Variants in PDGFRB observed in about 807,000 individuals in gnomAD.
PDGFRB encodes the protein platelet derived growth factor receptor beta.
A neutral mutation model predicts 120.2 loss-of-function variants in PDGFRB; 42 were observed. That is an observed-to-expected ratio of 0.35 (90% CI 0.27 to 0.45). The LOEUF (loss-of-function observed/expected upper bound fraction) is 0.45. Ranked by LOEUF, PDGFRB falls within the 20% of genes least tolerant of loss-of-function variation. The probability of loss-of-function intolerance (pLI) is 1.00; values close to 1 mark genes in which losing one functional copy is unlikely to be tolerated. For synonymous variants in PDGFRB, 586 were observed against 606.8 expected (o/e 0.97, Z 0.50); for missense variants, 1,149 against 1,476.3 (o/e 0.78, Z 3.63).
rs771094828 is a variant in PDGFRB at position 150,133,670 on chromosome 5, C to T, written c.850G>A (p.Glu284Lys). Residue 284 changes from glutamate to lysine, a missense_variant, in exon 6 of 23, where the codon GAA becomes AAA. Transcript: ENST00000261799. ...TTGCAGGTGTAGGTCCCCGAGTCTTCTAACTCGGCACTGGGGATGTGCAGG... is the reference window on the plus strand; with the variant it reads ...TTGCAGGTGTAGGTCCCCGAGTCTTTTAACTCGGCACTGGGGATGTGCAGG... ...SILHIPSAEL[E>K]DSGTYTCNVT... 1 of 1,613,414 alleles carries T rather than the reference C, an allele frequency of 6.2e-7. No individual in the cohort carries two copies. Among genetic ancestry groups the T allele is most frequent in the African/African-American group, 1.3e-5 (1 of 74,882 alleles).
chr5:150,128,557 G>T lies in PDGFRB; in HGVS notation c.1579+1200C>A, dbSNP rs541218783. Among the ~76,000 whole-genome samples the T allele has an allele frequency of 1.1e-4, 16 of 152,224 alleles. No homozygotes were observed. The South Asian group carries it at 3.3e-3, about 32-fold the overall frequency. ...CCAGCCCCTAAGTATCCACACACTCGATCCTCCAGCCAGATTGAGTTGAAC... is the reference window on the plus strand; with the variant it reads ...CCAGCCCCTAAGTATCCACACACTCTATCCTCCAGCCAGATTGAGTTGAAC... On this transcript the variant is annotated intron_variant, in intron 10 of 22. Transcript: ENST00000261799.
chr5:150,130,629 T>G lies in PDGFRB; in HGVS notation c.1277A>C (p.His426Pro), dbSNP rs774153485. ...GACTGTCTGTTCCCCACTGTCAGGG[T>G]GGCTCTCACTTAGCTCCAGCACTCG... ...PVRVLELSESHPDSGEQTVRC... is the reference protein window; with the variant it reads ...PVRVLELSESPPDSGEQTVRC... Residue 426 changes from histidine (H) to proline (P), a missense_variant, in exon 9 of 23, where the codon CAC becomes CCC. His to Pro is a moderately conservative substitution (Grantham distance 77, BLOSUM62 -2). This residue lies in a region of PDGFRB where 879 missense variants were observed against 1,108.6 expected (regional missense o/e 0.79). Transcript: ENST00000261799. 5.0e-6 allele frequency: 8 copies of G among 1,612,646 alleles called. No individual in the cohort carries two copies. Among genetic ancestry groups the G allele is most frequent in the South Asian group, 4.4e-5 (4 of 90,966 alleles).
intron 1 of PDGFRB, among the ~76,000 whole-genome samples, chr5:150,148,783 G>A (rs1760994924): frequency 6.6e-6 from 1 of 152,282 alleles, no homozygotes; most frequent in South Asian, 2.1e-4. Flanking sequence ...GATTACTCCA[G>A]TGGGGAGAGC....
Position 150,135,808 on chromosome 5 carries a change from G to T in PDGFRB, c.111C>A (p.Pro37=), listed in dbSNP as rs767838015. Reference sequence around the variant, plus strand: ...CATTGAGGACAAGCTCTGGCCCCGGGGGTGTGACGACCAGGCCCTGAGAGA... The same window carrying T: ...CATTGAGGACAAGCTCTGGCCCCGGTGGTGTGACGACCAGGCCCTGAGAGA... ...PQISQGLVVT[P]PGPELVLNVS... The change falls in exon 3 of 23, where the codon CCC becomes CCA. Residue 37 remains proline (P), a synonymous_variant. Transcript: ENST00000261799. 13 of 1,588,554 alleles carry T rather than the reference G, an allele frequency of 8.2e-6. No homozygotes were observed. The East Asian group carries it at 2.7e-4, about 33-fold the overall frequency.
chr5:150,146,004 A>G (rs1269879207), intron 1 of PDGFRB, among the ~76,000 whole-genome samples: 1 of 152,126 alleles, frequency 6.6e-6, no homozygotes, highest in African/African-American at 2.4e-5. Flanking sequence ...TTTGAGTGGG[A>G]AACAGTCACT....
intron 14 of PDGFRB, 113 bp downstream of exon 14, chr5:150,124,137 C>T (rs775424101): frequency 6.5e-5 from 44 of 674,624 alleles, no homozygotes; most frequent in Middle Eastern, 2.6e-4. Flanking sequence ...CGGGTGGGCA[C>T]GGACCCTCCA....
At chr5:150,127,644 G>A (rs1233670018) in intron 10 of PDGFRB, among the ~76,000 whole-genome samples, 6 of 151,954 alleles carry the variant, frequency 3.9e-5, no homozygotes, top group Admixed American at 3.3e-4. Context: ...GACCGGCCTG[G>A]CCAATATGGT....
chr5:150,117,834 T>A lies in PDGFRB; in HGVS notation c.2921A>T (p.Asp974Val), dbSNP rs1163477683. The A allele has an allele frequency of 1.2e-6, 2 of 1,608,788 alleles. No individual in the cohort carries two copies. The highest frequency in any genetic ancestry group is 1.7e-6 in the Non-Finnish European group (2 of 1,175,942). ...GTGGTCACTCCTCAGAAACTCCTCA[T>A]CCACCTGCTGGTACTTCTGCTCCCG... ...EGYKKKYQQV[D>V]EEFLRSDHPA... Residue 974 changes from aspartate (D) to valine (V), a missense_variant, in exon 22 of 23, where the codon GAT becomes GTT. Transcript: ENST00000261799.
At chr5:150,138,289 C>T (rs1760693375) in intron 1 of PDGFRB, among the ~76,000 whole-genome samples, 1 of 152,162 alleles carries the variant, frequency 6.6e-6, no homozygotes, top group Admixed American at 6.5e-5. Context: ...CCAGCTTGCC[C>T]CTACCTCCCC....
intron 10 of PDGFRB, 104 bp from the exon 11 acceptor site, chr5:150,126,718 T>G (rs1013256296): frequency 4.9e-5 from 35 of 716,052 alleles, no homozygotes; most frequent in Non-Finnish European, 4.1e-5. Context: ...CTGTCCAGAA[T>G]AGAAGCGCCC....
rs1031485726 is a variant in PDGFRB at position 150,129,978 on chromosome 5, G to A, written c.1368-10C>T. The A allele has an allele frequency of 8.7e-6, 14 of 1,610,646 alleles. No homozygotes were observed. The highest frequency in any genetic ancestry group is 1.2e-5 in the Non-Finnish European group (14 of 1,177,812). On this transcript the variant is annotated splice_polypyrimidine_tract_variant and intron_variant, in intron 9 of 22. Transcript: ENST00000261799. ...CAGCTCACGTGGACACCTGCCAGGAGAGCCGGTAGGGTTGGCTGCCAGCCC... is the reference window on the plus strand; with the variant it reads ...CAGCTCACGTGGACACCTGCCAGGAAAGCCGGTAGGGTTGGCTGCCAGCCC...
At chr5:150,137,350 C>A in intron 1 of PDGFRB, 1 of 348,632 alleles carries the variant, frequency 2.9e-6, no homozygotes, top group Non-Finnish European at 5.2e-6. Context: ...GTTTCCCTGT[C>A]TGTACAGTGA....
At chr5:150,143,847 C>T (rs1760845314) in intron 1 of PDGFRB, among the ~76,000 whole-genome samples, 3 of 152,230 alleles carry the variant, frequency 2.0e-5, no homozygotes, top group Non-Finnish European at 4.4e-5. Flanking sequence ...CTCAGTGCTC[C>T]ACCCCTGCAC....
In PDGFRB at chr5:150,115,233, G is replaced by T; in HGVS notation, c.*530C>A. 1 of 233,218 alleles carries T rather than the reference G, an allele frequency of 4.3e-6. No homozygotes were observed. Among genetic ancestry groups the T allele is most frequent in the Non-Finnish European group, 8.5e-6 (1 of 118,002 alleles). The allele number at this position is 233,218 out of a possible 1,614,324, so 14.4% of individuals were successfully genotyped here. A position where few individuals can be genotyped will look rare whatever the true frequency, so the allele number is the denominator to read the frequency against. On this transcript the variant is annotated 3_prime_UTR_variant, in exon 23 of 23. Coordinates refer to ENST00000261799, the MANE Select transcript of PDGFRB (RefSeq NM_002609.4). ...GGAGGAGACTGGCTTTCTTCTGGAT[G>T]AGGCAACACTGCTCAAGGCTAGGCC...
At chr5:150,139,888 G>C (rs1393425862) in intron 1 of PDGFRB, among the ~76,000 whole-genome samples, 2 of 151,980 alleles carry the variant, frequency 1.3e-5, no homozygotes, top group South Asian at 4.1e-4. Flanking sequence ...GCCGAGGCAG[G>C]AGAATCGCTT....
intron 22 of PDGFRB, among the ~76,000 whole-genome samples, chr5:150,116,339 G>A (rs1253152484): frequency 1.3e-5 from 2 of 152,198 alleles, no homozygotes; most frequent in South Asian, 2.1e-4. Flanking sequence ...CTGGCCGGGC[G>A]TGGTGGCTCA....
intron 1 of PDGFRB, among the ~76,000 whole-genome samples, chr5:150,144,882 C>G (rs1404195457): frequency 1.3e-5 from 2 of 152,152 alleles, no homozygotes; most frequent in Non-Finnish European, 2.9e-5. Flanking sequence ...GGCCCTGAGT[C>G]CCCCCACCCA....
At chr5:150,141,794 A>T (rs1760791946) in intron 1 of PDGFRB, among the ~76,000 whole-genome samples, 1 of 152,120 alleles carries the variant, frequency 6.6e-6, no homozygotes, top group Non-Finnish European at 1.5e-5. Flanking sequence ...TGAGGGGACG[A>T]TGCCATTTTC....
intron 1 of PDGFRB, among the ~76,000 whole-genome samples, chr5:150,153,083 G>A (rs913027490): frequency 2.0e-5 from 3 of 152,256 alleles, no homozygotes; most frequent in Non-Finnish European, 2.9e-5. Context: ...GAGATGGGAT[G>A]TGGGGGGTCT....
Sources: allele counts gnomAD v4.1 joint callset (sites outside exome capture counted in the v4.1 genomes callset), GRCh38; gene constraint gnomAD v4.1.1; regional missense constraint gnomAD v4.1.1; transcripts MANE v1.5; gene names NCBI Gene and HGNC (gene_info 2026-07-23, HGNC 2026-07-21).